Variants in MYH15 observed in about 807,000 individuals in gnomAD.
The protein encoded by MYH15 is myosin heavy chain 15.
Under a neutral mutation model 240.5 loss-of-function variants are expected in MYH15, and 227 were observed. The observed-to-expected ratio is 0.94, with a 90% CI of 0.85 to 1.05. The LOEUF (loss-of-function observed/expected upper bound fraction) is 1.05. Among genes scored for constraint, MYH15 ranks in the 50% least tolerant of loss-of-function variants. MYH15 has a pLI of 0.00. For synonymous variants in MYH15, 785 were observed against 796.7 expected (o/e 0.99, Z 0.25); for missense variants, 2,217 against 2,247.5 (o/e 0.99, Z 0.27).
intron 37 of MYH15, among the ~76,000 whole-genome samples, chr3:108,390,355 T>C (rs1379103): frequency 0.07 from 10,678 of 152,236 alleles, 1,223 homozygotes; most frequent in East Asian, 0.53. Context: ...TGGTCGTTGC[T>C]ACTGAGTTAT....
chr3:108,391,517 A>G (rs1414059802), intron 37 of MYH15, among the ~76,000 whole-genome samples: 1 of 152,156 alleles, frequency 6.6e-6, no homozygotes, highest in Non-Finnish European at 1.5e-5. Flanking sequence ...AAGGGCTGCA[A>G]TGTTAGTTAG....
At chr3:108,542,699 G>GC in the MYH15 span, among the ~76,000 whole-genome samples, 3 of 152,066 alleles carry the variant, frequency 2.0e-5, no homozygotes, top group Admixed American at 6.5e-5. Context: ...ATGCTCTCTT[G>GC]CCCCCCACTC....
At chr3:108,389,595 G>A (rs770349550) in intron 37 of MYH15, among the ~76,000 whole-genome samples, 4 of 152,162 alleles carry the variant, frequency 2.6e-5, no homozygotes, top group Admixed American at 6.5e-5. Flanking sequence ...GCAGGTGCCT[G>A]CTACATACCA....
intron 27 of MYH15, among the ~76,000 whole-genome samples, chr3:108,422,107 A>G (rs968681286): frequency 1.3e-5 from 2 of 152,112 alleles, no homozygotes; most frequent in Non-Finnish European, 2.9e-5. Context: ...TTGCATTCTT[A>G]TTATTTATAT....
chr3:108,535,470 T>C, the MYH15 span, among the ~76,000 whole-genome samples: 97 of 152,180 alleles, frequency 6.4e-4, no homozygotes, highest in Non-Finnish European at 9.6e-4. Context: ...TCCACTCTCA[T>C]GACCTAGTTA....
In MYH15 at chr3:108,390,045, G is replaced by C. The variant is rs573486876; in HGVS notation, c.5431-971C>G. On this transcript the variant is annotated intron_variant, in intron 37 of 40. Transcript: ENST00000693548. ...TCCTTGTGGATAAAGCCCATTTAAA[G>C]CAATCTTCTGACACCTGCTATATAG... is the stretch of plus-strand genomic sequence containing the variant. 1.6e-3 allele frequency among the ~76,000 whole-genome samples: 242 copies of C among 152,246 alleles called. 2 individuals are homozygous for C. The highest frequency in any genetic ancestry group is 2.5e-3 in the Non-Finnish European group (169 of 68,026).
chr3:108,456,887 GAAAAAA>G lies in MYH15; in HGVS notation c.2021-10_2021-5del. On this transcript the variant is annotated splice_polypyrimidine_tract_variant and splice_region_variant and intron_variant, in intron 18 of 40. Transcript: ENST00000693548. ...ACCAAGTAAGGGTCCAGTATACCTGGAAAAAAAAAAGAGTCATGGTGGATCTGTGCC... is the reference window on the plus strand; with the variant it reads ...ACCAAGTAAGGGTCCAGTATACCTGGAAAAGAGTCATGGTGGATCTGTGCC... 1 of 1,424,418 alleles carries G rather than the reference GAAAAAA, an allele frequency of 7.0e-7. No individual in the cohort carries two copies. The highest frequency in any genetic ancestry group is 2.6e-5 in the East Asian group (1 of 38,980). The allele number at this position is 1,424,418 out of a possible 1,614,324, so 88.2% of individuals were successfully genotyped here.
chr3:108,535,935 T>C, the MYH15 span, among the ~76,000 whole-genome samples: 16 of 152,186 alleles, frequency 1.1e-4, no homozygotes, highest in Non-Finnish European at 5.9e-5. Context: ...ACATTCTCTT[T>C]GTTGTTTTTG....
chr3:108,547,014 G>A, the MYH15 span, among the ~76,000 whole-genome samples: 2 of 151,588 alleles, frequency 1.3e-5, no homozygotes, highest in African/African-American at 2.4e-5. Context: ...TAATTTCAAG[G>A]ACTTATCATG....
At chr3:108,492,975 G>T in intron 8 of MYH15, 139 bp downstream of exon 8, 2 of 674,742 alleles carry the variant, frequency 3.0e-6, no homozygotes, top group South Asian at 2.0e-5. Flanking sequence ...AAGGAAGGAA[G>T]GGAGAAAAAG....
chr3:108,538,870 C>A, the MYH15 span, among the ~76,000 whole-genome samples: 2 of 152,170 alleles, frequency 1.3e-5, no homozygotes, highest in African/African-American at 2.4e-5. Context: ...AACCACATCC[C>A]GTGAGGGTCT....
chr3:108,493,324 A>C (rs1013394304), intron 7 of MYH15, 147 bp from the exon 8 acceptor site: 18 of 642,160 alleles, frequency 2.8e-5, no homozygotes, highest in Non-Finnish European at 4.7e-5. Flanking sequence ...AAAGAAAGAA[A>C]GAAAAGAAAA....
chr3:108,464,871 G>C, intron 14 of MYH15, 57 bp from the exon 15 acceptor site: 2 of 1,458,266 alleles, frequency 1.4e-6, no homozygotes, highest in East Asian at 2.4e-5. Context: ...ACTTTCAGTA[G>C]GGGGTCAGTA....
At position 108,454,425 on chromosome 3, in the gene MYH15, C is replaced by A. The variant is rs367783414; in HGVS notation, c.2263-283G>T. ...AATAATGTCTCAATTGTTTAGGGAA[C>A]CTGGTTTAAGTTTTAAGATGGGCTC... On this transcript the variant is annotated intron_variant, in intron 20 of 40. Coordinates refer to ENST00000693548, the MANE Select transcript of MYH15 (RefSeq NM_014981.3). Among the ~76,000 whole-genome samples the A allele has an allele frequency of 2.0e-5, 3 of 152,112 alleles. No homozygotes were observed. The East Asian group carries it at 5.8e-4, about 29-fold the overall frequency.
At position 108,493,118 on chromosome 3, in the gene MYH15, A is replaced by G; in HGVS notation, c.771T>C (p.Asp257=). The G allele has an allele frequency of 6.2e-7, 1 of 1,614,008 alleles. No homozygotes were observed. The highest frequency in any genetic ancestry group is 8.5e-7 in the Non-Finnish European group (1 of 1,179,858). Residue 257 remains aspartate, a synonymous_variant, in exon 8 of 41, where the codon GAT becomes GAC. Transcript: ENST00000693548. ...GACAGTGCAATGACTACTTACAGAT[A>G]TCAATGTCCACAGATGACAGCATGC... ...ARGMLSSVDI[D]IYLLEKSRVI...
chr3:108,419,102 G>A (rs2082660763), intron 28 of MYH15, among the ~76,000 whole-genome samples: 1 of 152,082 alleles, frequency 6.6e-6, no homozygotes, highest in Non-Finnish European at 1.5e-5. Context: ...TCCACTAGCT[G>A]GTTGAGACTA....
intron 23 of MYH15, 83 bp from the exon 24 acceptor site, chr3:108,439,996 C>T (rs759809651): frequency 1.8e-5 from 22 of 1,254,942 alleles, no homozygotes; most frequent in Non-Finnish European, 2.3e-5. Context: ...CTTCTGTCGT[C>T]CAAAACTACG....
chr3:108,419,910 A>G (rs1056701942), intron 28 of MYH15, among the ~76,000 whole-genome samples: 1 of 152,234 alleles, frequency 6.6e-6, no homozygotes, highest in African/African-American at 2.4e-5. Context: ...CTCTCAGAAT[A>G]TATTACTAAA....
upstream of MYH15, among the ~76,000 whole-genome samples, chr3:108,512,765 C>T (rs1420109165): frequency 1.3e-5 from 2 of 152,128 alleles, no homozygotes; most frequent in Non-Finnish European, 2.9e-5. Context: ...GAGCACACAG[C>T]TGTGTAACTC....
Sources: allele counts gnomAD v4.1 joint callset (sites outside exome capture counted in the v4.1 genomes callset), GRCh38; gene constraint gnomAD v4.1.1; transcripts MANE v1.5; gene names NCBI Gene and HGNC (gene_info 2026-07-23, HGNC 2026-07-21).